NRXN3: variants seen among roughly 807,000 people sequenced by gnomAD.
NRXN3 encodes neurexin III.
Under a neutral mutation model 137.6 loss-of-function variants are expected in NRXN3, and 32 were observed. The observed-to-expected ratio is 0.23, with a 90% CI of 0.18 to 0.31. The LOEUF is 0.31. NRXN3 is among the 10% of genes least tolerant of loss of function. The probability of loss-of-function intolerance (pLI) is 1.00; values close to 1 mark genes in which losing one functional copy is unlikely to be tolerated. For missense variants in NRXN3, 1,574 were observed against 2,062.5 expected (o/e 0.76, Z 4.59); for synonymous variants, 798 against 784.5 (o/e 1.02, Z -0.29).
chr14:78,502,968 T>C (rs1480178743), intron 4 of NRXN3, among the ~76,000 whole-genome samples: 1 of 152,200 alleles, frequency 6.6e-6, no homozygotes, highest in African/African-American at 2.4e-5. Context: ...GAAGTACTGT[T>C]TTTGCATCAG....
chr14:78,204,296 G>GCA (rs1457915458), intron 1 of NRXN3, among the ~76,000 whole-genome samples: 1 of 151,862 alleles, frequency 6.6e-6, no homozygotes, highest in Non-Finnish European at 1.5e-5. Flanking sequence ...CTAAGAAAGA[G>GCA]CACGAGCATG....
chr14:79,484,954 A>T (rs1193000759), intron 16 of NRXN3, among the ~76,000 whole-genome samples: 1 of 152,198 alleles, frequency 6.6e-6, no homozygotes, highest in Non-Finnish European at 1.5e-5. Flanking sequence ...TTTCATATTA[A>T]GCATAGAATT....
At chr14:79,012,079 T>A (rs537071465) in intron 15 of NRXN3, among the ~76,000 whole-genome samples, 14 of 152,302 alleles carry the variant, frequency 9.2e-5, no homozygotes, top group Admixed American at 8.5e-4. Context: ...TAGTAGTAAG[T>A]GATAGAAAAA....
intron 16 of NRXN3, among the ~76,000 whole-genome samples, chr14:79,542,161 G>A (rs1029676607): frequency 2.6e-5 from 4 of 152,194 alleles, no homozygotes; most frequent in African/African-American, 9.6e-5. Flanking sequence ...TGGTCTCAGA[G>A]TGACTTCTTC....
intron 4 of NRXN3, among the ~76,000 whole-genome samples, chr14:78,599,453 A>C (rs919742391): frequency 4.6e-5 from 7 of 152,256 alleles, no homozygotes; most frequent in Non-Finnish European, 8.8e-5. Flanking sequence ...TAGTTAACAC[A>C]TAGCAATCTG....
At chr14:79,176,095 G>T (rs1223636424) in intron 15 of NRXN3, among the ~76,000 whole-genome samples, 1 of 152,194 alleles carries the variant, frequency 6.6e-6, no homozygotes, top group Non-Finnish European at 1.5e-5. Context: ...CTGATTCTGG[G>T]CTTTGTGCCT....
chr14:79,453,918 A>T (rs998268557), intron 15 of NRXN3, among the ~76,000 whole-genome samples: 56 of 152,110 alleles, frequency 3.7e-4, no homozygotes, highest in African/African-American at 1.3e-3. Flanking sequence ...TGTCTGGGGT[A>T]TTGCAGCAGT....
At chr14:79,165,566 T>G (rs1596682915) in intron 15 of NRXN3, among the ~76,000 whole-genome samples, 1 of 152,004 alleles carries the variant, frequency 6.6e-6, no homozygotes, top group African/African-American at 2.4e-5. Flanking sequence ...ATCCAACCTC[T>G]GGGGCCTGTT....
rs371224377 is a variant in NRXN3 at position 78,282,316 on chromosome 14, T to G, written c.727+3654T>G. ...GGAGGTGAGGAAGAGGGAAGAGTAGTGGGTTAGAGCACAGGGAACAATTCT... is the reference window on the plus strand; with the variant it reads ...GGAGGTGAGGAAGAGGGAAGAGTAGGGGGTTAGAGCACAGGGAACAATTCT... On this transcript the variant is annotated intron_variant, in intron 3 of 20. Transcript: ENST00000335750. 3.6e-4 allele frequency: 137 copies of G among 384,288 alleles called. No individual in the cohort carries two copies. In the Middle Eastern group the frequency reaches 5.3e-3, roughly 15 times the overall value. 23.8% of individuals were successfully genotyped at this position (384,288 alleles called of 1,614,324 possible). A position where few individuals can be genotyped will look rare whatever the true frequency, so the allele number is the denominator to read the frequency against.
chr14:78,215,654 G>A (rs1426186829), intron 1 of NRXN3, among the ~76,000 whole-genome samples: 4 of 151,874 alleles, frequency 2.6e-5, no homozygotes, highest in Non-Finnish European at 4.4e-5. Context: ...GAGTTCTGTT[G>A]GAACTGGGGA....
intron 8 of NRXN3, among the ~76,000 whole-genome samples, chr14:78,780,705 A>G (rs575643700): frequency 6.6e-6 from 1 of 152,218 alleles, no homozygotes; most frequent in Non-Finnish European, 1.5e-5. Flanking sequence ...ACATAAAAGC[A>G]TGTATAGCCA....
At chr14:78,660,253 T>TATATATATATATATATATATATATATA (rs2097826430) in intron 6 of NRXN3, among the ~76,000 whole-genome samples, 1 of 139,706 alleles carries the variant, frequency 7.2e-6, no homozygotes, top group African/African-American at 2.8e-5. Context: ...AGAAGTAGAT[T>TATATATATATATATATATATATATATA]TATATATATA....
chr14:79,253,539 A>G (rs973861303), intron 15 of NRXN3, among the ~76,000 whole-genome samples: 1 of 152,194 alleles, frequency 6.6e-6, no homozygotes, highest in East Asian at 1.9e-4. Context: ...TGCTACTCTT[A>G]TTCTTCTTAT....
intron 20 of NRXN3, among the ~76,000 whole-genome samples, chr14:79,858,381 C>T (rs554926508): frequency 4.3e-4 from 65 of 152,242 alleles, no homozygotes; most frequent in Admixed American, 8.5e-4. Flanking sequence ...CAAATGAATG[C>T]CACTCTGTAA....
chr14:79,472,017 A>G (rs773002952), intron 16 of NRXN3, among the ~76,000 whole-genome samples: 3 of 151,816 alleles, frequency 2.0e-5, no homozygotes, highest in Non-Finnish European at 2.9e-5. Flanking sequence ...CCAAAGGCCC[A>G]GTGTGTGTTG....
chr14:79,282,639 C>T (rs2081468566), intron 15 of NRXN3, among the ~76,000 whole-genome samples: 1 of 152,058 alleles, frequency 6.6e-6, no homozygotes, highest in Non-Finnish European at 1.5e-5. Flanking sequence ...TCTCATTAAC[C>T]TACATCTGAT....
At chr14:79,287,930 A>G (rs574979001) in intron 15 of NRXN3, among the ~76,000 whole-genome samples, 2 of 152,226 alleles carry the variant, frequency 1.3e-5, no homozygotes, top group South Asian at 2.1e-4. Context: ...TTTCCTTTTC[A>G]TATCTTCATC....
intron 17 of NRXN3, among the ~76,000 whole-genome samples, chr14:79,691,416 A>G (rs1025889647): frequency 6.6e-6 from 1 of 152,066 alleles, no homozygotes. Context: ...ATCAGTGTCT[A>G]TTATAAAATA....
At chr14:78,915,384 A>T (rs1429288601) in intron 10 of NRXN3, among the ~76,000 whole-genome samples, 4 of 150,714 alleles carry the variant, frequency 2.7e-5, no homozygotes, top group African/African-American at 9.7e-5. Context: ...CACACAGAAA[A>T]AAAACAAGCA....
Sources: allele counts gnomAD v4.1 joint callset (sites outside exome capture counted in the v4.1 genomes callset), GRCh38; gene constraint gnomAD v4.1.1; transcripts MANE v1.5; gene names NCBI Gene and HGNC (gene_info 2026-07-23, HGNC 2026-07-21).